Variants in COL4A5 observed in about 807,000 individuals in gnomAD.
COL4A5 encodes the protein collagen type IV alpha 5 chain, also known as collagen alpha-5(IV) chain.
COL4A5 carries 26 observed loss-of-function variants against 130.2 expected under a neutral mutation model. The ratio of observed to expected loss-of-function variants is 0.20; its 90% CI spans 0.15 to 0.28. The LOEUF (loss-of-function observed/expected upper bound fraction) is 0.28, where lower values mean the gene tolerates loss of function less well. Among genes scored for constraint, COL4A5 ranks in the 10% least tolerant of loss-of-function variants. The pLI, the probability that COL4A5 is intolerant of heterozygous loss-of-function variation, is 1.00. For missense variants in COL4A5, 1,131 were observed against 1,344.3 expected, an observed-to-expected ratio of 0.84 and a Z score of 2.48; for synonymous variants, 496 against 439.6, an observed-to-expected ratio of 1.13 and a Z score of -1.60.
intron 1 of COL4A5, among the ~76,000 whole-genome samples, chrX:108,532,617 TG>T (rs1380437922): frequency 9.0e-6 from 1 of 111,193 alleles, no homozygotes; most frequent in African/African-American, 3.3e-5. Flanking sequence ...GGCATCCAAA[TG>T]GGAAAAGAAG....
In COL4A5 at chrX:108,670,206, G is replaced by T. The variant is rs780892697; in HGVS notation, c.3791-22G>T. The T allele has an allele frequency of 1.5e-5, 18 of 1,207,216 alleles. No homozygotes were observed. In the African/African-American group the frequency reaches 2.6e-4, roughly 18 times the overall value. On this transcript the variant is annotated intron_variant, in intron 41 of 52. Coordinates refer to ENST00000328300, the MANE Select transcript of COL4A5 (RefSeq NM_033380.3). ...TTGTTAATGATGACATTGGGCCTTG[G>T]TGAACTTTGATCCCTATCCAGGTCC...
At chrX:108,640,705 G>A (rs958041112) in intron 36 of COL4A5, among the ~76,000 whole-genome samples, 2 of 111,169 alleles carry the variant, frequency 1.8e-5, no homozygotes, top group Admixed American at 9.5e-5. Flanking sequence ...TTATGCCACA[G>A]GACTATACCC....
intron 2 of COL4A5, among the ~76,000 whole-genome samples, chrX:108,556,287 T>C (rs1443840832): frequency 8.9e-6 from 1 of 111,983 alleles, no homozygotes; most frequent in Non-Finnish European, 1.9e-5. Flanking sequence ...GAGTAATTAT[T>C]TGGTATATAG....
intron 1 of COL4A5, among the ~76,000 whole-genome samples, chrX:108,460,657 T>G (rs1388863731): frequency 1.1e-4 from 1 of 9,402 alleles, no homozygotes; most frequent in East Asian, 1.2e-3. Flanking sequence ...GCCTGGCAAA[T>G]TTTTTTTTTT....
At chrX:108,637,354 C>T (rs1010619871) in intron 36 of COL4A5, among the ~76,000 whole-genome samples, 2 of 110,730 alleles carry the variant, frequency 1.8e-5, no homozygotes, top group Admixed American at 1.9e-4. Context: ...GAAGAAACAT[C>T]TCAAATCAAA....
At chrX:108,605,143 C>T (rs1315368611) in intron 28 of COL4A5, among the ~76,000 whole-genome samples, 2 of 112,253 alleles carry the variant, frequency 1.8e-5, no homozygotes, top group Non-Finnish European at 3.8e-5. Flanking sequence ...ACATTCACAA[C>T]TTGGCTAACT....
At chrX:108,530,513 AAAAC>A (rs778391233) in intron 1 of COL4A5, among the ~76,000 whole-genome samples, 6 of 104,952 alleles carry the variant, frequency 5.7e-5, no homozygotes, top group South Asian at 9.1e-4. Context: ...TTACAAGAAA[AAAAC>A]AAACAACCCC....
At chrX:108,505,262 A>G (rs2065113742) in intron 1 of COL4A5, among the ~76,000 whole-genome samples, 1 of 110,427 alleles carries the variant, frequency 9.1e-6, no homozygotes, top group Non-Finnish European at 1.9e-5. Flanking sequence ...TAAAAAAAAA[A>G]AACTACATAC....
chrX:108,541,037 A>G (rs951836431), intron 2 of COL4A5, among the ~76,000 whole-genome samples: 3 of 112,112 alleles, frequency 2.7e-5, no homozygotes, highest in African/African-American at 9.7e-5. Flanking sequence ...GGCATAATCT[A>G]CTTAGAGGTA....
At chrX:108,563,643 T>C (rs2065928409) in intron 3 of COL4A5, among the ~76,000 whole-genome samples, 1 of 111,227 alleles carries the variant, frequency 9.0e-6, no homozygotes, top group South Asian at 3.7e-4. Flanking sequence ...AGGTATAGAG[T>C]TTGATTCATA....
intron 36 of COL4A5, among the ~76,000 whole-genome samples, chrX:108,640,136 C>T (rs1291187400): frequency 8.9e-6 from 1 of 111,897 alleles, no homozygotes. Context: ...GTGGAAGCAT[C>T]CCAAATGTCC....
chrX:108,446,293 T>C (rs2064451296), intron 1 of COL4A5, among the ~76,000 whole-genome samples: 2 of 112,388 alleles, frequency 1.8e-5, no homozygotes, highest in South Asian at 7.3e-4. Flanking sequence ...AATGATTACA[T>C]ACAACTTGTA....
chrX:108,618,410 A>G (rs1395619120), intron 30 of COL4A5, among the ~76,000 whole-genome samples: 2 of 112,048 alleles, frequency 1.8e-5, no homozygotes, highest in Non-Finnish European at 3.8e-5. Context: ...GTATAAAATT[A>G]AATTAATTTT....
In COL4A5 at chrX:108,615,040, A is replaced by G. The variant is rs1365839951; in HGVS notation, c.2509+16A>G. 1 of 1,086,803 alleles carries G rather than the reference A, an allele frequency of 9.2e-7. No homozygotes were observed. 89.6% of individuals were successfully genotyped at this position (1,086,803 alleles called of 1,213,427 possible). A position where few individuals can be genotyped will look rare whatever the true frequency, so the allele number is the denominator to read the frequency against. On this transcript the variant is annotated intron_variant, in intron 30 of 52. Transcript: ENST00000328300. Reference sequence around the variant, plus strand: ...GGTCAACCTGGTAAGATTAGAGTAAATGTGCATTTTGTAGCACTCATAATA... The same window carrying G: ...GGTCAACCTGGTAAGATTAGAGTAAGTGTGCATTTTGTAGCACTCATAATA...
intron 1 of COL4A5, among the ~76,000 whole-genome samples, chrX:108,523,784 T>A (rs2065287607): frequency 8.9e-6 from 1 of 111,980 alleles, no homozygotes. Flanking sequence ...AACAATGATT[T>A]GTAGTTTTTC....
In COL4A5 at chrX:108,696,739, C is replaced by A. The variant is rs1055019004; in HGVS notation, c.*361C>A. On this transcript the variant is annotated 3_prime_UTR_variant, in exon 53 of 53. Transcript: ENST00000328300. ...TCACATTGAGTAAAATAAAAGACTG[C>A]AGTTTGTGGGAAGAATTATTTTTCA... 1 of 128,574 alleles carries A rather than the reference C, an allele frequency of 7.8e-6. No homozygotes were observed. Among genetic ancestry groups the A allele is most frequent in the East Asian group, 2.3e-4 (1 of 4,444 alleles). 10.6% of individuals were successfully genotyped at this position (128,574 alleles called of 1,213,427 possible). A position where few individuals can be genotyped will look rare whatever the true frequency, so the allele number is the denominator to read the frequency against.
In COL4A5 at chrX:108,453,202, A is replaced by T. The variant is rs762361222; in HGVS notation, c.81+12996A>T. On this transcript the variant is annotated intron_variant, in intron 1 of 52. Coordinates refer to ENST00000328300, the MANE Select transcript of COL4A5 (RefSeq NM_033380.3). ...CACTTGATCATGGTGGATAAGCTTA[A>T]AAAAAGCTAGTTGATAAAGTTTCAG... Among the ~76,000 whole-genome samples, 19 of 111,640 alleles carry T rather than the reference A, an allele frequency of 1.7e-4. No individual in the cohort carries two copies. The South Asian group carries it at 6.8e-3, about 40-fold the overall frequency.
chrX:108,592,468 C>T (rs1185893473), intron 21 of COL4A5, among the ~76,000 whole-genome samples: 6 of 110,714 alleles, frequency 5.4e-5, no homozygotes, highest in Non-Finnish European at 1.1e-4. Flanking sequence ...CTCTATTTTT[C>T]TATTCTCATT....
rs747768366 is a variant in COL4A5, at chrX:108,601,416, A to G, written c.1972A>G (p.Thr658Ala). The G allele has an allele frequency of 2.1e-5, 25 of 1,205,569 alleles. No homozygotes were observed. The highest frequency in any genetic ancestry group is 2.8e-5 in the Non-Finnish European group (25 of 893,068). ...IPGPKGDPGQ[T>A]ITQPGKPGLP... ...AGGTCCTAAAGGGGATCCAGGTCAGACTATAACCCAGCCGGGGAAGCCTGG... is the reference window on the plus strand; with the variant it reads ...AGGTCCTAAAGGGGATCCAGGTCAGGCTATAACCCAGCCGGGGAAGCCTGG... The change falls in exon 26 of 53, where the codon ACT becomes GCT. Residue 658 changes from threonine (T) to alanine (A), a missense_variant. By Grantham distance (58) the Thr-to-Ala change is moderately conservative. Transcript: ENST00000328300.
Sources: gnomAD v4.1 joint callset for allele counts (sites outside exome capture counted in the v4.1 genomes callset) on GRCh38, gnomAD v4.1.1 for gene constraint, MANE v1.5 for transcripts, NCBI Gene and HGNC (gene_info 2026-07-23, HGNC 2026-07-21) for gene names.